ANO6: variants seen among roughly 807,000 people sequenced by gnomAD.
ANO6 encodes the protein anoctamin 6.
ANO6 carries 106 observed loss-of-function variants against 117.5 expected under a neutral mutation model. That is an observed-to-expected ratio of 0.90 (90% CI 0.77 to 1.06). The LOEUF is 1.06. Ranked by LOEUF, ANO6 falls within the 50% of genes least tolerant of loss-of-function variation. The pLI is 0.00. For missense variants in ANO6, 955 were observed against 1,121.1 expected (o/e 0.85, Z 2.12); for synonymous variants, 367 against 385.1 (o/e 0.95, Z 0.55).
At chr12:45,293,729 G>GTTTTTTTTTTTTTTTTTTT (rs138396024) in intron 1 of ANO6, among the ~76,000 whole-genome samples, 1 of 48,404 alleles carries the variant, frequency 2.1e-5, no homozygotes, top group Non-Finnish European at 3.6e-5. Context: ...CCTGGCTAAT[G>GTTTTTTTTTTTTTTTTTTT]TTTTTTTTTT....
At chr12:45,420,184 A>G (rs1943321221) in intron 17 of ANO6, among the ~76,000 whole-genome samples, 1 of 152,186 alleles carries the variant, frequency 6.6e-6, no homozygotes, top group African/African-American at 2.4e-5. Context: ...TCATAATACT[A>G]TACAGGAAAA....
At chr12:45,278,762 G>C (rs1041199953) in intron 1 of ANO6, among the ~76,000 whole-genome samples, 9 of 152,168 alleles carry the variant, frequency 5.9e-5, no homozygotes, top group African/African-American at 2.2e-4. Context: ...GGGAAGTCTT[G>C]TCCCTTCTAA....
At chr12:45,400,323 A>G (rs1942750139) in intron 12 of ANO6, among the ~76,000 whole-genome samples, 1 of 152,194 alleles carries the variant, frequency 6.6e-6, no homozygotes, top group Non-Finnish European at 1.5e-5. Flanking sequence ...CCCTGTATGT[A>G]TTGTGCTAAG....
intron 1 of ANO6, among the ~76,000 whole-genome samples, chr12:45,298,304 G>T (rs1006462833): frequency 3.3e-5 from 5 of 152,100 alleles, no homozygotes; most frequent in African/African-American, 9.7e-5. Context: ...AACATATTAC[G>T]TTAAGAAAAA....
intron 15 of ANO6, among the ~76,000 whole-genome samples, chr12:45,406,272 A>G (rs1942932662): frequency 6.6e-6 from 1 of 152,216 alleles, no homozygotes; most frequent in African/African-American, 2.4e-5. Context: ...TCAGTAAATT[A>G]CAGAGTTGTC....
intron 7 of ANO6, among the ~76,000 whole-genome samples, chr12:45,355,943 G>T (rs1022521640): frequency 6.6e-6 from 1 of 152,194 alleles, no homozygotes; most frequent in Admixed American, 6.5e-5. Context: ...AGGCCTCAGA[G>T]TTAAGTAAAT....
chr12:45,307,100 A>G (rs568746036), intron 2 of ANO6, among the ~76,000 whole-genome samples: 2 of 152,066 alleles, frequency 1.3e-5, no homozygotes, highest in South Asian at 4.1e-4. Context: ...CATTGTAAAG[A>G]CTTTGGTTTT....
chr12:45,421,619 A>G (rs1029868772), intron 18 of ANO6, among the ~76,000 whole-genome samples: 22 of 152,242 alleles, frequency 1.4e-4, no homozygotes, highest in Non-Finnish European at 3.1e-4. Context: ...AAGAAAAGTC[A>G]TAGAAATAGA....
In ANO6 at chr12:45,394,846, T is replaced by C. The variant is rs544201696; in HGVS notation, c.1386+4348T>C. Among the ~76,000 whole-genome samples the C allele has an allele frequency of 8.5e-4, 129 of 152,224 alleles. 1 individual carries two copies. The highest frequency in any genetic ancestry group is 3.0e-3 in the African/African-American group (126 of 41,542). ...AATCTCTGAGACACATTTAAAGCAG[T>C]GTGTAGAGGGAAATTTATAGCACTA... On this transcript the variant is annotated intron_variant, in intron 12 of 19. Transcript: ENST00000320560.
At chr12:45,261,946 A>T (rs1938050157) in intron 1 of ANO6, among the ~76,000 whole-genome samples, 2 of 152,252 alleles carry the variant, frequency 1.3e-5, no homozygotes, top group Admixed American at 1.3e-4. Context: ...GAAGGCAAGC[A>T]CAAATGATAT....
At chr12:45,280,607 A>G (rs1007525195) in intron 1 of ANO6, among the ~76,000 whole-genome samples, 1 of 152,146 alleles carries the variant, frequency 6.6e-6, no homozygotes, top group Admixed American at 6.6e-5. Context: ...ATATTTACAG[A>G]GCTCAGAAGA....
chr12:45,321,135 A>G (rs1268145893), intron 2 of ANO6, among the ~76,000 whole-genome samples: 1 of 152,128 alleles, frequency 6.6e-6, no homozygotes, highest in Non-Finnish European at 1.5e-5. Flanking sequence ...AAGTTGCAAT[A>G]TATTGTTTTG....
chr12:45,379,483 T>G (rs1942114337), intron 10 of ANO6, among the ~76,000 whole-genome samples: 1 of 152,208 alleles, frequency 6.6e-6, no homozygotes, highest in East Asian at 1.9e-4. Flanking sequence ...ATGTATGTAT[T>G]AAGATCCTCT....
chr12:45,363,503 G>T (rs1440640385), intron 8 of ANO6, among the ~76,000 whole-genome samples: 3 of 151,712 alleles, frequency 2.0e-5, no homozygotes. Flanking sequence ...GGCGGAGGTT[G>T]CAGGGAGCCG....
At chr12:45,247,614 G>A (rs1301787424) in intron 1 of ANO6, among the ~76,000 whole-genome samples, 1 of 152,192 alleles carries the variant, frequency 6.6e-6, no homozygotes, top group Non-Finnish European at 1.5e-5. Flanking sequence ...TGGTTCTGGA[G>A]GCTGGGAGTC....
intron 3 of ANO6, among the ~76,000 whole-genome samples, chr12:45,332,714 A>G (rs1368553599): frequency 4.6e-5 from 7 of 152,058 alleles, no homozygotes; most frequent in Admixed American, 4.6e-4. Context: ...TGTCCTTTGC[A>G]GTTATCAAGA....
intron 2 of ANO6, among the ~76,000 whole-genome samples, chr12:45,304,860 A>G (rs888330071): frequency 6.6e-6 from 1 of 152,218 alleles, no homozygotes; most frequent in Non-Finnish European, 1.5e-5. Context: ...TAAAGCCAGC[A>G]CTGCTGTATA....
chr12:45,272,037 A>G (rs1393714323), intron 1 of ANO6, among the ~76,000 whole-genome samples: 1 of 152,202 alleles, frequency 6.6e-6, no homozygotes, highest in Non-Finnish European at 1.5e-5. Flanking sequence ...TCTTCCTAAA[A>G]CAAATATTCT....
At chr12:45,402,230 C>T (rs537849191) in intron 13 of ANO6, among the ~76,000 whole-genome samples, 10 of 152,300 alleles carry the variant, frequency 6.6e-5, no homozygotes, top group Admixed American at 6.5e-4. Context: ...ATCATCATAA[C>T]GTCCAAGCTC....
Sources: gnomAD v4.1 joint callset for allele counts (sites outside exome capture counted in the v4.1 genomes callset) on GRCh38, gnomAD v4.1.1 for gene constraint, MANE v1.5 for transcripts, NCBI Gene and HGNC (gene_info 2026-07-23, HGNC 2026-07-21) for gene names.